The following ARNT2 variants were observed in gnomAD, a reference collection of about 807,000 sequenced individuals.
ARNT2 encodes aryl hydrocarbon receptor nuclear translocator 2.
A neutral mutation model predicts 91.7 loss-of-function variants in ARNT2; 36 were observed. The observed-to-expected ratio is 0.39, with a 90% CI of 0.30 to 0.52. The LOEUF (loss-of-function observed/expected upper bound fraction) is 0.52, where lower values mean the gene tolerates loss of function less well. Among genes scored for constraint, ARNT2 ranks in the 20% least tolerant of loss-of-function variants. The probability of loss-of-function intolerance (pLI) is 0.72; values close to 1 mark genes in which losing one functional copy is unlikely to be tolerated. For missense variants in ARNT2, 775 were observed against 939.3 expected (o/e 0.83, Z 2.29); for synonymous variants, 365 against 347.1 (o/e 1.05, Z -0.57).
intron 8 of ARNT2, among the ~76,000 whole-genome samples, chr15:80,523,263 C>A (rs922392206): frequency 6.6e-6 from 1 of 152,192 alleles, no homozygotes; most frequent in African/African-American, 2.4e-5. Flanking sequence ...GTTCACCGAG[C>A]ATGTGTGCTG....
chr15:80,454,366 G>A (rs1896450630), intron 2 of ARNT2, among the ~76,000 whole-genome samples: 1 of 152,168 alleles, frequency 6.6e-6, no homozygotes. Flanking sequence ...TGAGGGCAGG[G>A]ATGTGTCAGT....
intron 17 of ARNT2, among the ~76,000 whole-genome samples, chr15:80,589,700 C>G (rs548731637): frequency 6.6e-6 from 1 of 152,206 alleles, no homozygotes; most frequent in African/African-American, 2.4e-5. Flanking sequence ...GGCGATGCTA[C>G]TGTTTTAACT....
intron 5 of ARNT2, among the ~76,000 whole-genome samples, chr15:80,490,325 G>T (rs1897037676): frequency 1.3e-5 from 2 of 152,116 alleles, no homozygotes; most frequent in Admixed American, 1.3e-4. Context: ...TGAGGGGTGG[G>T]TGTAACTCCT....
At chr15:80,451,437 T>G (rs2141380897) in intron 2 of ARNT2, among the ~76,000 whole-genome samples, 1 of 152,328 alleles carries the variant, frequency 6.6e-6, no homozygotes, top group African/African-American at 2.4e-5. Context: ...TAAATCTCAG[T>G]GCTTGAAGAC....
chr15:80,570,593 C>A (rs1898566812), intron 12 of ARNT2, among the ~76,000 whole-genome samples: 1 of 152,144 alleles, frequency 6.6e-6, no homozygotes, highest in African/African-American at 2.4e-5. Context: ...GCTGGTCTAA[C>A]AAGTGTGGGC....
chr15:80,494,882 T>A (rs1897104694), intron 5 of ARNT2, among the ~76,000 whole-genome samples: 1 of 152,038 alleles, frequency 6.6e-6, no homozygotes, highest in South Asian at 2.1e-4. Flanking sequence ...CTCTGCAGAG[T>A]TTTGCTGCCC....
chr15:80,481,965 A>C lies in ARNT2; in HGVS notation c.622+6742A>C, dbSNP rs185314020. 2.6e-3 allele frequency among the ~76,000 whole-genome samples: 391 copies of C among 152,284 alleles called. 1 individual carries two copies. The highest frequency in any genetic ancestry group is 6.1e-3 in the Admixed American group (93 of 15,306). ...CACCCAGGCTCGAGTGCAGTAGCAC[A>C]GTCATAGCTTGCTGCAGCCTCTCTT... On this transcript the variant is annotated intron_variant, in intron 5 of 18. Transcript: ENST00000303329.
At chr15:80,437,204 G>A (rs1377679409) in intron 1 of ARNT2, among the ~76,000 whole-genome samples, 1 of 152,144 alleles carries the variant, frequency 6.6e-6, no homozygotes, top group African/African-American at 2.4e-5. Flanking sequence ...AAGAAGTCAC[G>A]AGGTTGTGAA....
At chr15:80,453,545 G>A (rs907615510) in intron 2 of ARNT2, among the ~76,000 whole-genome samples, 1 of 152,170 alleles carries the variant, frequency 6.6e-6, no homozygotes, top group Non-Finnish European at 1.5e-5. Flanking sequence ...TGAGGCCTCC[G>A]CTGTTCTAGA....
At chr15:80,547,542 A>G (rs1898009958) in intron 8 of ARNT2, among the ~76,000 whole-genome samples, 1 of 152,210 alleles carries the variant, frequency 6.6e-6, no homozygotes, top group African/African-American at 2.4e-5. Flanking sequence ...TCCATGGAAC[A>G]TAGTTTTTGC....
rs529218537 is a variant in ARNT2, at chr15:80,597,229, C to T, written c.*3531C>T. 8 of 518,540 alleles carry T rather than the reference C, an allele frequency of 1.5e-5. No individual in the cohort carries two copies. The highest frequency in any genetic ancestry group is 3.2e-4 in the Middle Eastern group (1 of 3,146). The allele number at this position is 518,540 out of a possible 1,614,324, so 32.1% of individuals were successfully genotyped here. ...GGTGGTCTCCCCACTCCCGGCAGCA[C>T]TTTAGGCAGCCCATAAGCTATGCGA... On this transcript the variant is annotated 3_prime_UTR_variant, in exon 19 of 19. Transcript: ENST00000303329.
At chr15:80,416,715 G>A (rs1000311499) in intron 1 of ARNT2, among the ~76,000 whole-genome samples, 3 of 151,822 alleles carry the variant, frequency 2.0e-5, no homozygotes, top group African/African-American at 7.3e-5. Flanking sequence ...TCTCAATTTG[G>A]TTTTGTCTGA....
At chr15:80,525,184 G>A (rs1897620874) in intron 8 of ARNT2, among the ~76,000 whole-genome samples, 1 of 152,164 alleles carries the variant, frequency 6.6e-6, no homozygotes, top group Non-Finnish European at 1.5e-5. Context: ...GGATTGAGTG[G>A]TCTGCACTGG....
intron 5 of ARNT2, among the ~76,000 whole-genome samples, chr15:80,483,848 T>G (rs1327749599): frequency 6.6e-6 from 1 of 152,230 alleles, no homozygotes; most frequent in Non-Finnish European, 1.5e-5. Context: ...CAGCTGGGCC[T>G]TCTTCCTGAC....
chr15:80,554,087 A>G (rs904733899), intron 10 of ARNT2, among the ~76,000 whole-genome samples: 4 of 152,286 alleles, frequency 2.6e-5, no homozygotes, highest in Non-Finnish European at 4.4e-5. Context: ...ATTGCGATCT[A>G]TGAGTTAGTT....
intron 9 of ARNT2, among the ~76,000 whole-genome samples, chr15:80,552,189 T>C (rs1365978274): frequency 6.6e-6 from 1 of 152,146 alleles, no homozygotes; most frequent in Non-Finnish European, 1.5e-5. Flanking sequence ...TGCACATGGG[T>C]GAAGAAAGAA....
intron 8 of ARNT2, among the ~76,000 whole-genome samples, chr15:80,538,538 T>C (rs1897857718): frequency 6.6e-6 from 1 of 152,214 alleles, no homozygotes; most frequent in African/African-American, 2.4e-5. Flanking sequence ...ATATGGACTA[T>C]TTTGTAATTA....
chr15:80,412,811 A>G (rs1895705910), intron 1 of ARNT2, among the ~76,000 whole-genome samples: 1 of 152,220 alleles, frequency 6.6e-6, no homozygotes, highest in Non-Finnish European at 1.5e-5. Flanking sequence ...TGAACAGTCA[A>G]ATGGATTTAT....
chr15:80,547,958 TGAATATTACAATATGACAGTA>T (rs1898017205), intron 8 of ARNT2, among the ~76,000 whole-genome samples: 1 of 152,146 alleles, frequency 6.6e-6, no homozygotes. Context: ...AATATTGTAT[TGAATATTACAATATGACAGTA>T]TGAAAAATTC....
Sources: gnomAD v4.1 joint callset for allele counts (sites outside exome capture counted in the v4.1 genomes callset) on GRCh38, gnomAD v4.1.1 for gene constraint, MANE v1.5 for transcripts, NCBI Gene and HGNC (gene_info 2026-07-23, HGNC 2026-07-21) for gene names.